PABPC4L: variants seen among roughly 807,000 people sequenced by gnomAD.
The protein encoded by PABPC4L is polyadenylate-binding protein 4-like.
For synonymous variants in PABPC4L, 169 were observed against 164.1 expected (o/e 1.03, Z -0.23); for missense variants, 452 against 451.4 (o/e 1.00, Z -0.01).
At chr4:134,012,612 C>T in the PABPC4L span, among the ~76,000 whole-genome samples, 2 of 152,192 alleles carry the variant, frequency 1.3e-5, no homozygotes. Flanking sequence ...TTCACATGGA[C>T]ATGCATGAAA....
At chr4:134,189,685 A>G in the PABPC4L span, among the ~76,000 whole-genome samples, 1 of 152,138 alleles carries the variant, frequency 6.6e-6, no homozygotes, top group Non-Finnish European at 1.5e-5. Flanking sequence ...TAGTCTTATG[A>G]TTAGATTTCT....
At chr4:134,106,634 T>G in the PABPC4L span, among the ~76,000 whole-genome samples, 2 of 151,540 alleles carry the variant, frequency 1.3e-5, no homozygotes, top group Admixed American at 6.6e-5. Flanking sequence ...CATAGGTAAT[T>G]AATAGCAGTA....
chr4:134,140,931 GC>G, the PABPC4L span, among the ~76,000 whole-genome samples: 95 of 151,672 alleles, frequency 6.3e-4, 1 homozygote, highest in Non-Finnish European at 1.2e-3. Context: ...TCTTCTTAGG[GC>G]TCATTCTGCT....
the PABPC4L span, among the ~76,000 whole-genome samples, chr4:134,109,895 C>G: frequency 6.6e-6 from 1 of 151,830 alleles, no homozygotes; most frequent in Non-Finnish European, 1.5e-5. Context: ...GCGTGTGCCA[C>G]CCAGAAACTC....
chr4:134,052,185 T>A, the PABPC4L span, among the ~76,000 whole-genome samples: 1 of 152,082 alleles, frequency 6.6e-6, no homozygotes, highest in East Asian at 1.9e-4. Context: ...CTCCCTAGGT[T>A]AATTTCAAAG....
chr4:133,978,937 T>C, the PABPC4L span: 1 of 152,176 alleles, frequency 6.6e-6, no homozygotes, highest in Admixed American at 6.5e-5. Context: ...TATGACCTTA[T>C]AAACCAGCAG....
At chr4:134,167,769 T>C in the PABPC4L span, among the ~76,000 whole-genome samples, 1 of 151,932 alleles carries the variant, frequency 6.6e-6, no homozygotes, top group Admixed American at 6.6e-5. Flanking sequence ...CACTCAATAC[T>C]GGAGCACCCA....
At chr4:134,119,733 T>G in the PABPC4L span, among the ~76,000 whole-genome samples, 2 of 151,702 alleles carry the variant, frequency 1.3e-5, no homozygotes, top group East Asian at 3.9e-4. Flanking sequence ...CATTATGTTC[T>G]CCAAAATATA....
At chr4:134,166,672 T>C in the PABPC4L span, among the ~76,000 whole-genome samples, 1 of 152,162 alleles carries the variant, frequency 6.6e-6, no homozygotes, top group Non-Finnish European at 1.5e-5. Flanking sequence ...CAGAGGCATG[T>C]GGAAAGAAAA....
the PABPC4L span, among the ~76,000 whole-genome samples, chr4:134,126,353 C>T: frequency 6.6e-6 from 1 of 152,216 alleles, no homozygotes; most frequent in East Asian, 1.9e-4. Context: ...TTAGTCTCAG[C>T]TGGTAGAATC....
the PABPC4L span, among the ~76,000 whole-genome samples, chr4:134,115,898 G>T: frequency 1.3e-5 from 2 of 151,444 alleles, no homozygotes; most frequent in East Asian, 1.9e-4. Flanking sequence ...GGAGAAAAAT[G>T]GTGTTTTTAT....
chr4:133,975,221 T>C, the PABPC4L span, among the ~76,000 whole-genome samples: 2 of 152,110 alleles, frequency 1.3e-5, no homozygotes, highest in Non-Finnish European at 2.9e-5. Flanking sequence ...GAAAATATAC[T>C]AAAGAAGCCA....
rs1420683155 is a variant in PABPC4L at position 134,200,387 on chromosome 4, G to C, written c.633C>G (p.Ser211Arg). 6.4e-7 allele frequency: 1 copy of C among 1,569,038 alleles called. No homozygotes were observed. The highest frequency in any genetic ancestry group is 1.9e-5 in the Admixed American group (1 of 53,864). The change falls in exon 2 of 2, where the codon AGC becomes AGG. Residue 211 changes from serine to arginine, a missense_variant. Transcript: ENST00000421491. Reference sequence around the variant, plus strand: ...TAACACTCAGAGTTTTGCCATATTTGCTGAAAACGTCCTTCAATCTCTCAT... The same window carrying C: ...TAACACTCAGAGTTTTGCCATATTTCCTGAAAACGTCCTTCAATCTCTCAT... ...MDDERLKDVFSKYGKTLSVKV... is the reference protein window; with the variant it reads ...MDDERLKDVFRKYGKTLSVKV...
rs1729852164 is a variant in PABPC4L, at chr4:134,200,971, A to G, written c.49T>C (p.Leu17=). The part of the protein sequence containing the change: ...YRMASLYVGD[L]HADVTEDLLF... ...AGGTCCTCGGTGACATCTGCATGTA[A>G]GTCACCCACATACAGGGAGGCCATG... is the stretch of plus-strand genomic sequence containing the variant. The change falls in exon 2 of 2, where the codon TTA becomes CTA. Residue 17 remains leucine, a synonymous_variant. Coordinates refer to ENST00000421491, the MANE Select transcript of PABPC4L (RefSeq NM_001114734.2). The G allele has an allele frequency of 6.4e-6, 10 of 1,553,450 alleles. No homozygotes were observed. The South Asian group carries it at 1.2e-4, about 18-fold the overall frequency.
the PABPC4L span, among the ~76,000 whole-genome samples, chr4:133,979,143 A>C: frequency 3.3e-5 from 5 of 152,236 alleles, no homozygotes; most frequent in Admixed American, 2.6e-4. Flanking sequence ...ACATTGATCC[A>C]ACAATTATTA....
At chr4:134,051,492 C>A in the PABPC4L span, among the ~76,000 whole-genome samples, 1 of 152,040 alleles carries the variant, frequency 6.6e-6, no homozygotes, top group Non-Finnish European at 1.5e-5. Context: ...AACTCCACTG[C>A]CAATTGAGCA....
chr4:134,127,085 C>A, the PABPC4L span, among the ~76,000 whole-genome samples: 1 of 151,986 alleles, frequency 6.6e-6, no homozygotes, highest in Non-Finnish European at 1.5e-5. Flanking sequence ...ACTCTATTCC[C>A]TGGGAACCAC....
chr4:134,185,668 T>G, the PABPC4L span, among the ~76,000 whole-genome samples: 2 of 152,092 alleles, frequency 1.3e-5, no homozygotes, highest in Admixed American at 1.3e-4. Flanking sequence ...TTCAACATAG[T>G]GTTGGAAGTT....
At chr4:134,161,906 T>A in the PABPC4L span, among the ~76,000 whole-genome samples, 2 of 152,108 alleles carry the variant, frequency 1.3e-5, no homozygotes, top group African/African-American at 4.8e-5. Flanking sequence ...CAACAAATAA[T>A]TAAAAAGTGG....
Sources: gnomAD v4.1 joint callset for allele counts (sites outside exome capture counted in the v4.1 genomes callset) on GRCh38, gnomAD v4.1.1 for gene constraint, MANE v1.5 for transcripts, NCBI Gene and HGNC (gene_info 2026-07-23, HGNC 2026-07-21) for gene names.